SFXN5: variants seen among roughly 807,000 people sequenced by gnomAD.
SFXN5 encodes the protein sideroflexin-5.
In SFXN5, 43 loss-of-function variants were observed where a neutral mutation model predicts 50.2. The observed-to-expected ratio is 0.86, with a 90% CI of 0.67 to 1.11. SFXN5 has a LOEUF of 1.11. Ranked by LOEUF, SFXN5 falls within the 50% of genes least tolerant of loss-of-function variation. SFXN5 has a pLI of 0.00. For missense variants in SFXN5, 463 were observed against 454.1 expected (o/e 1.02, Z -0.18); for synonymous variants, 203 against 185.8 (o/e 1.09, Z -0.75).
At chr2:73,028,210 T>C (rs188505173) in intron 3 of SFXN5, among the ~76,000 whole-genome samples, 17 of 152,366 alleles carry the variant, frequency 1.1e-4, no homozygotes, top group Admixed American at 1.0e-3. Flanking sequence ...TTCTCGGACA[T>C]ATCCCTGATG....
In SFXN5 at chr2:73,009,945, T is replaced by C. The variant is rs576435512; in HGVS notation, c.358-8367A>G. Among the ~76,000 whole-genome samples, 15 of 152,308 alleles carry C rather than the reference T, an allele frequency of 9.8e-5. No homozygotes were observed. In the East Asian group the frequency reaches 1.9e-3, roughly 20 times the overall value. ...TGCTGGGTTGGCCAGTTCTTCCCAC[T>C]TGATGGCAGCTGATAATTGTGTAAG... On this transcript the variant is annotated intron_variant, in intron 6 of 13. Transcript: ENST00000272433.
At chr2:73,047,251 T>TATATATACACACAC (rs1680527877) in intron 2 of SFXN5, among the ~76,000 whole-genome samples, 1 of 27,586 alleles carries the variant, frequency 3.6e-5, no homozygotes, top group Non-Finnish European at 7.9e-5. Context: ...AAAAAATATA[T>TATATATACACACAC]ATATATATAT....
At chr2:72,964,148 T>C (rs967868146) in intron 12 of SFXN5, among the ~76,000 whole-genome samples, 23 of 152,216 alleles carry the variant, frequency 1.5e-4, no homozygotes, top group African/African-American at 5.5e-4. Context: ...GTCCCAGCCA[T>C]GGCCGCCACA....
At chr2:72,951,839 A>G (rs1040750736) in intron 13 of SFXN5, among the ~76,000 whole-genome samples, 14 of 152,150 alleles carry the variant, frequency 9.2e-5, no homozygotes, top group Non-Finnish European at 1.9e-4. Context: ...GCAGGGCCCA[A>G]AGCCCAAGCA....
chr2:73,045,195 A>G (rs956147763), intron 2 of SFXN5, among the ~76,000 whole-genome samples: 1 of 152,170 alleles, frequency 6.6e-6, no homozygotes. Flanking sequence ...CCAAGGTCAC[A>G]GAGTTGGTGA....
Position 72,988,259 on chromosome 2 carries a change from T to G in SFXN5, c.624A>C (p.Val208=). 6.2e-7 allele frequency: 1 copy of G among 1,613,526 alleles called. No individual in the cohort carries two copies. The highest frequency in any genetic ancestry group is 8.5e-7 in the Non-Finnish European group (1 of 1,179,790). ...ATCTATGTGGTGTGCAGGTCTTACCTACAGCAGGGAACGGCACAAACCTCT... is the reference window on the plus strand; with the variant it reads ...ATCTATGTGGTGTGCAGGTCTTACCGACAGCAGGGAACGGCACAAACCTCT... ...LIQRFVPFPA[V]ASANICNVVL... Residue 208 remains valine, a splice_region_variant and synonymous_variant, in exon 10 of 14, where the codon GTA becomes GTC. Transcript: ENST00000272433.
At chr2:72,954,584 C>T (rs1319196271) in intron 13 of SFXN5, among the ~76,000 whole-genome samples, 2 of 152,186 alleles carry the variant, frequency 1.3e-5, no homozygotes, top group East Asian at 3.9e-4. Context: ...CGCCCCAGGG[C>T]CCTCTCCCCT....
chr2:73,025,143 AAAC>A lies in SFXN5; in HGVS notation c.250-1932_250-1930del, dbSNP rs537680438. 4.2e-3 allele frequency among the ~76,000 whole-genome samples: 636 copies of A among 152,126 alleles called. 1 individual carries two copies. The highest frequency in any genetic ancestry group is 7.0e-3 in the Non-Finnish European group (479 of 68,002). On this transcript the variant is annotated intron_variant, in intron 3 of 13. Transcript: ENST00000272433. ...GCCTAACAGCAAAGAGGTTATTTAAAAACAACAACAACAACAAAAAAAAACATA... is the reference window on the plus strand; with the variant it reads ...GCCTAACAGCAAAGAGGTTATTTAAAAACAACAACAACAAAAAAAAACATA...
intron 2 of SFXN5, among the ~76,000 whole-genome samples, chr2:73,042,980 G>A (rs570779848): frequency 6.6e-6 from 1 of 151,834 alleles, no homozygotes; most frequent in Non-Finnish European, 1.5e-5. Flanking sequence ...AGACACGAGG[G>A]TCATTTGAAC....
At chr2:73,019,528 A>C (rs1676587119) in intron 6 of SFXN5, 1 of 145,556 alleles carries the variant, frequency 6.9e-6, no homozygotes, top group Non-Finnish European at 1.5e-5. Context: ...TCCCGGGTTC[A>C]TGTCATTCTC....
chr2:73,061,416 G>C (rs1236549055), intron 1 of SFXN5, among the ~76,000 whole-genome samples: 6 of 151,968 alleles, frequency 3.9e-5, no homozygotes, highest in Non-Finnish European at 8.8e-5. Context: ...ATACAGGGCA[G>C]CCATAAAACC....
chr2:72,988,667 G>A (rs1476378579), intron 9 of SFXN5, among the ~76,000 whole-genome samples: 1 of 152,132 alleles, frequency 6.6e-6, no homozygotes, highest in Non-Finnish European at 1.5e-5. Flanking sequence ...GAGGAGAAAA[G>A]GGATAGGATG....
At chr2:73,045,698 A>C (rs1028212824) in intron 2 of SFXN5, among the ~76,000 whole-genome samples, 1 of 151,918 alleles carries the variant, frequency 6.6e-6, no homozygotes, top group African/African-American at 2.4e-5. Context: ...CTTGACCATT[A>C]CTAGAGTCGC....
rs1284666721 is a variant in SFXN5 at position 72,960,409 on chromosome 2, TC to T, written c.945+721del. 1.3e-5 allele frequency among the ~76,000 whole-genome samples: 2 copies of T among 151,950 alleles called. No homozygotes were observed. Among genetic ancestry groups the T allele is most frequent in the Non-Finnish European group, 2.9e-5 (2 of 67,980 alleles). ...AATCCCGAAGAAGCCGCCTCCTGAC[TC>T]CCTCTTTAGGGACCCACTTCTCTCC... On this transcript the variant is annotated intron_variant, in intron 13 of 13. Coordinates refer to ENST00000272433, the MANE Select transcript of SFXN5 (RefSeq NM_144579.3). This position sits in a 1 kb window ranked among gnomAD's most constrained non-coding sequence, Gnocchi z 6.1.
chr2:73,026,294 ATT>A (rs759332481), intron 3 of SFXN5, among the ~76,000 whole-genome samples: 18 of 140,496 alleles, frequency 1.3e-4, no homozygotes, highest in Non-Finnish European at 1.3e-4. Context: ...TGCCTGGCTA[ATT>A]TTTTTTTTTT....
chr2:73,036,473 G>A (rs1476183102), intron 3 of SFXN5, among the ~76,000 whole-genome samples: 1 of 152,176 alleles, frequency 6.6e-6, no homozygotes, highest in Non-Finnish European at 1.5e-5. Context: ...AGCCAGAATC[G>A]GGAAGCACAG....
At chr2:73,039,682 C>G (rs1280226351) in intron 3 of SFXN5, among the ~76,000 whole-genome samples, 3 of 152,152 alleles carry the variant, frequency 2.0e-5, no homozygotes, top group Non-Finnish European at 4.4e-5. Flanking sequence ...ATATAAATTT[C>G]TATCTGCAGA....
chr2:72,978,575 G>A (rs974833232), intron 10 of SFXN5, among the ~76,000 whole-genome samples: 6 of 152,000 alleles, frequency 3.9e-5, no homozygotes, highest in Admixed American at 2.6e-4. Flanking sequence ...GAGCCACCAC[G>A]CCCGGCCCAG....
At chr2:73,006,747 G>A (rs575104981) in intron 6 of SFXN5, among the ~76,000 whole-genome samples, 1 of 152,304 alleles carries the variant, frequency 6.6e-6, no homozygotes, top group African/African-American at 2.4e-5. Flanking sequence ...TGACTATGCT[G>A]TTCTTTCTAG....
Sources: gnomAD v4.1 joint callset for allele counts (sites outside exome capture counted in the v4.1 genomes callset) on GRCh38, gnomAD v4.1.1 for gene constraint, Gnocchi (gnomAD v3.1) non-coding constraint, MANE v1.5 for transcripts, NCBI Gene and HGNC (gene_info 2026-07-23, HGNC 2026-07-21) for gene names.